PTPRZ1: variants seen among roughly 807,000 people sequenced by gnomAD.
PTPRZ1 encodes the protein protein tyrosine phosphatase receptor type Z1.
Under a neutral mutation model 214.1 loss-of-function variants are expected in PTPRZ1, and 82 were observed. That is an observed-to-expected ratio of 0.38 (90% CI 0.32 to 0.46). PTPRZ1 has a LOEUF of 0.46. Among genes scored for constraint, PTPRZ1 ranks in the 20% least tolerant of loss-of-function variants. The probability of loss-of-function intolerance (pLI) is 1.00; values close to 1 mark genes in which losing one functional copy is unlikely to be tolerated. For missense variants in PTPRZ1, 2,603 were observed against 2,748.7 expected, an observed-to-expected ratio of 0.95 and a Z score of 1.19; for synonymous variants, 945 against 987.9, an observed-to-expected ratio of 0.96 and a Z score of 0.81.
At chr7:122,040,775 TG>T in intron 20 of PTPRZ1, 40 bp from the exon 21 acceptor site, 2 of 1,140,446 alleles carry the variant, frequency 1.8e-6, no homozygotes, top group South Asian at 1.6e-5. Flanking sequence ...TGTGTGTGTG[TG>T]TGTGTGTTTG....
intron 1 of PTPRZ1, among the ~76,000 whole-genome samples, chr7:121,916,547 A>G (rs1228101107): frequency 6.6e-6 from 1 of 152,246 alleles, no homozygotes; most frequent in African/African-American, 2.4e-5. Flanking sequence ...AAGAATTTGT[A>G]ATTGTGTATA....
chr7:121,942,866 C>A (rs1004063435), intron 2 of PTPRZ1, among the ~76,000 whole-genome samples: 3 of 152,094 alleles, frequency 2.0e-5, no homozygotes, highest in Admixed American at 6.5e-5. Flanking sequence ...TAATTTTAAG[C>A]AATTAAACAG....
At chr7:121,933,616 T>G (rs374174798) in intron 2 of PTPRZ1, among the ~76,000 whole-genome samples, 94 of 152,284 alleles carry the variant, frequency 6.2e-4, no homozygotes, top group African/African-American at 2.2e-3. Flanking sequence ...TTTCTGTAAA[T>G]AGAATATCCT....
intron 8 of PTPRZ1, among the ~76,000 whole-genome samples, chr7:121,992,297 G>T (rs1797991555): frequency 6.6e-6 from 1 of 152,116 alleles, no homozygotes; most frequent in African/African-American, 2.4e-5. Flanking sequence ...ATCTCCCCTT[G>T]GTCATCTGCA....
intron 4 of PTPRZ1, among the ~76,000 whole-genome samples, chr7:121,974,675 A>G (rs1275511188): frequency 1.3e-5 from 2 of 152,030 alleles, no homozygotes; most frequent in Non-Finnish European, 2.9e-5. Flanking sequence ...CTTTAAGTAG[A>G]GACGGAGTTT....
intron 2 of PTPRZ1, among the ~76,000 whole-genome samples, chr7:121,931,640 A>G (rs1795928981): frequency 6.6e-6 from 1 of 152,122 alleles, no homozygotes; most frequent in Non-Finnish European, 1.5e-5. Flanking sequence ...CAACAGTTTT[A>G]CCAGGGTTTC....
At chr7:121,907,660 C>T (rs544297111) in intron 1 of PTPRZ1, among the ~76,000 whole-genome samples, 26 of 151,960 alleles carry the variant, frequency 1.7e-4, no homozygotes, top group Non-Finnish European at 2.2e-4. Flanking sequence ...AAGGCCTAAA[C>T]TCAGGGTGTT....
At chr7:122,055,825 T>C (rs1021533553) in intron 27 of PTPRZ1, among the ~76,000 whole-genome samples, 1 of 151,910 alleles carries the variant, frequency 6.6e-6, no homozygotes, top group Admixed American at 6.6e-5. Flanking sequence ...GATTAAATCA[T>C]GTTCCAAATA....
chr7:121,911,163 C>G (rs1240629463), intron 1 of PTPRZ1, among the ~76,000 whole-genome samples: 3 of 151,962 alleles, frequency 2.0e-5, no homozygotes, highest in Non-Finnish European at 4.4e-5. Context: ...TAATATTGTA[C>G]TTATTTAATA....
intron 13 of PTPRZ1, among the ~76,000 whole-genome samples, chr7:122,026,566 G>A (rs1799212175): frequency 6.6e-6 from 1 of 152,094 alleles, no homozygotes; most frequent in Admixed American, 6.6e-5. Flanking sequence ...TGGCCCTCAT[G>A]TCTCTCATTC....
At chr7:121,957,077 G>A (rs1432504803) in intron 2 of PTPRZ1, among the ~76,000 whole-genome samples, 1 of 152,186 alleles carries the variant, frequency 6.6e-6, no homozygotes, top group African/African-American at 2.4e-5. Flanking sequence ...GGCATTTCCA[G>A]CACCTTCAGC....
chr7:121,874,356 C>T (rs1055326531), intron 1 of PTPRZ1, among the ~76,000 whole-genome samples: 9 of 152,148 alleles, frequency 5.9e-5, no homozygotes, highest in Non-Finnish European at 1.5e-5. Context: ...CTCAAGTTTT[C>T]CAGTCATTTT....
At chr7:121,962,012 T>C (rs1202621618) in intron 2 of PTPRZ1, among the ~76,000 whole-genome samples, 2 of 152,224 alleles carry the variant, frequency 1.3e-5, no homozygotes, top group Admixed American at 1.3e-4. Context: ...TCCTTCACAA[T>C]AGTTCCTAAT....
intron 3 of PTPRZ1, 64 bp downstream of exon 3, chr7:121,968,194 G>GT (rs1797102280): frequency 9.4e-6 from 13 of 1,389,202 alleles, no homozygotes; most frequent in Non-Finnish European, 1.3e-5. Flanking sequence ...GTTTAGACTA[G>GT]TTTCATCTCA....
intron 17 of PTPRZ1, 149 bp from the exon 18 acceptor site, chr7:122,036,451 T>A: frequency 1.7e-6 from 1 of 602,480 alleles, no homozygotes; most frequent in Non-Finnish European, 2.9e-6. Flanking sequence ...TTTTCTTTGC[T>A]GTCTCTGTAT....
At chr7:122,029,169 A>G (rs1388783054) in intron 14 of PTPRZ1, among the ~76,000 whole-genome samples, 3 of 151,980 alleles carry the variant, frequency 2.0e-5, no homozygotes, top group Non-Finnish European at 4.4e-5. Flanking sequence ...AAAGCCATGA[A>G]CACAAACAAT....
At chr7:121,948,189 G>A (rs954941190) in intron 2 of PTPRZ1, among the ~76,000 whole-genome samples, 25 of 152,128 alleles carry the variant, frequency 1.6e-4, no homozygotes, top group African/African-American at 3.9e-4. Context: ...GAATAAATTG[G>A]TGAGTATCAC....
intron 9 of PTPRZ1, among the ~76,000 whole-genome samples, chr7:121,997,640 C>G (rs531523994): frequency 1.4e-5 from 2 of 147,806 alleles, no homozygotes; most frequent in South Asian, 4.3e-4. Flanking sequence ...ATGAAACTTC[C>G]TGAAACTAAA....
intron 27 of PTPRZ1, among the ~76,000 whole-genome samples, chr7:122,056,612 T>A (rs1212134802): frequency 6.6e-6 from 1 of 151,888 alleles, no homozygotes; most frequent in African/African-American, 2.4e-5. Context: ...TTATGAGGAC[T>A]ATTTTTAAGA....
Sources: gnomAD v4.1 joint callset for allele counts (sites outside exome capture counted in the v4.1 genomes callset) on GRCh38, gnomAD v4.1.1 for gene constraint, MANE v1.5 for transcripts, NCBI Gene and HGNC (gene_info 2026-07-23, HGNC 2026-07-21) for gene names.